Variants in PTPRD observed in about 807,000 individuals in gnomAD.
PTPRD encodes the protein protein tyrosine phosphatase receptor type D.
PTPRD carries 34 observed loss-of-function variants against 214.5 expected under a neutral mutation model. The ratio of observed to expected loss-of-function variants is 0.16; its 90% confidence interval spans 0.12 to 0.21. The LOEUF (loss-of-function observed/expected upper bound fraction) is 0.21. PTPRD is among the 10% of genes least tolerant of loss of function. PTPRD has a pLI of 1.00. For synonymous variants in PTPRD, 1,128 were observed against 845.7 expected (o/e 1.33, Z -5.79); for missense variants, 2,545 against 2,398.7 (o/e 1.06, Z -1.27).
At chr9:10,463,454 G>A (rs570390818) in intron 2 of PTPRD, among the ~76,000 whole-genome samples, 4 of 152,094 alleles carry the variant, frequency 2.6e-5, no homozygotes, top group Admixed American at 2.6e-4. Context: ...TAATAAACAA[G>A]AATAAGTTGT....
In PTPRD at chr9:9,641,950, A is replaced by G. The variant is rs540590824; in HGVS notation, c.-286-67169T>C. 9.0e-4 allele frequency among the ~76,000 whole-genome samples: 137 copies of G among 152,170 alleles called. 1 individual carries two copies. Among genetic ancestry groups the G allele is most frequent in the Non-Finnish European group, 1.7e-3 (114 of 68,002 alleles). On this transcript the variant is annotated intron_variant, in intron 7 of 45. Transcript: ENST00000381196. ...TAAAATAAGTTAATCATGCTGCTAT[A>G]AAGACACATGCACACGTATGTTTAT...
chr9:8,700,515 T>C (rs1221243717), intron 12 of PTPRD: 1 of 152,360 alleles, frequency 6.6e-6, no homozygotes, highest in Non-Finnish European at 1.5e-5. Context: ...TATGATGTGC[T>C]TTTATTATTT....
intron 3 of PTPRD, among the ~76,000 whole-genome samples, chr9:10,156,981 G>A (rs1225928969): frequency 6.6e-6 from 1 of 152,016 alleles, no homozygotes. Context: ...CCATTTGCCT[G>A]GCAGATTTTT....
chr9:9,734,329 G>T (rs1411350279), intron 7 of PTPRD, among the ~76,000 whole-genome samples: 2 of 152,146 alleles, frequency 1.3e-5, no homozygotes, highest in Non-Finnish European at 2.9e-5. Context: ...GAATCTCCAA[G>T]AAGTATCTGG....
In PTPRD at chr9:8,864,224, T is replaced by C. The variant is rs1336856733; in HGVS notation, c.-103-130278A>G. 2.6e-5 allele frequency among the ~76,000 whole-genome samples: 4 copies of C among 152,342 alleles called. No homozygotes were observed. The East Asian group carries it at 7.7e-4, about 29-fold the overall frequency. ...TAAATTTTGAACTTCAATATTATTA[T>C]TTCCATGGTCAACCAAAATTTGTAC... On this transcript the variant is annotated intron_variant, in intron 11 of 45. Transcript: ENST00000381196.
intron 2 of PTPRD, among the ~76,000 whole-genome samples, chr9:10,515,537 C>T (rs1320306798): frequency 1.3e-5 from 2 of 150,356 alleles, no homozygotes; most frequent in East Asian, 3.9e-4. Flanking sequence ...TATTTTAGGC[C>T]CAAGTAATAT....
chr9:10,398,167 C>A (rs571079352), intron 2 of PTPRD, among the ~76,000 whole-genome samples: 73 of 151,586 alleles, frequency 4.8e-4, no homozygotes, highest in African/African-American at 1.7e-3. Flanking sequence ...GTGCTTGAGA[C>A]CAGGAGTCTG....
chr9:9,973,015 G>T (rs552602773), intron 4 of PTPRD, among the ~76,000 whole-genome samples: 55 of 152,258 alleles, frequency 3.6e-4, no homozygotes, highest in African/African-American at 1.3e-3. Flanking sequence ...CTAGCCAAAA[G>T]AGAAGGAGGG....
At chr9:8,496,524 A>T (rs1379616895) in intron 26 of PTPRD, among the ~76,000 whole-genome samples, 2 of 152,192 alleles carry the variant, frequency 1.3e-5, no homozygotes, top group Non-Finnish European at 2.9e-5. Context: ...AATAACATAG[A>T]GTTTTCATTC....
intron 4 of PTPRD, among the ~76,000 whole-genome samples, chr9:10,004,148 G>C (rs554974313): frequency 2.2e-4 from 34 of 151,888 alleles, no homozygotes; most frequent in African/African-American, 7.7e-4. Context: ...CCCTGACATA[G>C]AAAGGTTTTA....
At chr9:10,323,578 A>T (rs577748688) in intron 3 of PTPRD, among the ~76,000 whole-genome samples, 1 of 151,394 alleles carries the variant, frequency 6.6e-6, no homozygotes, top group African/African-American at 2.4e-5. Context: ...AGTAACTGCA[A>T]CTCTTTCTAC....
chr9:10,321,982 ATAATG>A (rs2096561065), intron 3 of PTPRD, among the ~76,000 whole-genome samples: 1 of 152,102 alleles, frequency 6.6e-6, no homozygotes, highest in Non-Finnish European at 1.5e-5. Flanking sequence ...AATCTTAAAT[ATAATG>A]GCAGAAATGG....
intron 2 of PTPRD, among the ~76,000 whole-genome samples, chr9:10,548,783 C>G (rs1350805748): frequency 6.6e-6 from 1 of 152,102 alleles, no homozygotes; most frequent in East Asian, 1.9e-4. Flanking sequence ...TCCAGGAGAA[C>G]TGCCAATGTC....
intron 2 of PTPRD, among the ~76,000 whole-genome samples, chr9:10,564,676 A>C (rs2065092430): frequency 6.6e-6 from 1 of 152,092 alleles, no homozygotes; most frequent in Admixed American, 6.6e-5. Flanking sequence ...CACCAATATT[A>C]CTTTTGATTC....
intron 10 of PTPRD, among the ~76,000 whole-genome samples, chr9:9,050,608 A>G (rs1181587341): frequency 6.6e-6 from 1 of 152,206 alleles, no homozygotes; most frequent in East Asian, 1.9e-4. Context: ...TTTAAATTGC[A>G]TCACTCTGAG....
intron 36 of PTPRD, among the ~76,000 whole-genome samples, chr9:8,395,267 G>A (rs1005174327): frequency 2.0e-5 from 3 of 151,930 alleles, no homozygotes; most frequent in Non-Finnish European, 2.9e-5. Context: ...ACGCACAAAC[G>A]AAAAAGCATA....
At chr9:9,157,309 G>T (rs1402491954) in intron 10 of PTPRD, among the ~76,000 whole-genome samples, 1 of 151,206 alleles carries the variant, frequency 6.6e-6, no homozygotes, top group African/African-American at 2.4e-5. Context: ...ACAGAGACCA[G>T]AAAAAAATTA....
intron 11 of PTPRD, among the ~76,000 whole-genome samples, chr9:8,924,329 C>G (rs908101163): frequency 6.6e-6 from 1 of 152,064 alleles, no homozygotes; most frequent in Non-Finnish European, 1.5e-5. Context: ...CTCAATAGTT[C>G]CTCAGCTCTC....
At chr9:8,716,839 G>C (rs553960358) in intron 12 of PTPRD, among the ~76,000 whole-genome samples, 1 of 152,154 alleles carries the variant, frequency 6.6e-6, no homozygotes, top group Non-Finnish European at 1.5e-5. Context: ...CCCAGTATTG[G>C]AATGTAGGGG....
Sources: allele counts gnomAD v4.1 joint callset (sites outside exome capture counted in the v4.1 genomes callset), GRCh38; gene constraint gnomAD v4.1.1; transcripts MANE v1.5; gene names NCBI Gene and HGNC (gene_info 2026-07-23, HGNC 2026-07-21).